Variants in KLHL32 observed in about 807,000 individuals in gnomAD.
KLHL32 encodes the protein kelch like family member 32.
A neutral mutation model predicts 64.8 loss-of-function variants in KLHL32; 35 were observed. The ratio of observed to expected loss-of-function variants is 0.54; its 90% CI spans 0.41 to 0.72. The LOEUF (loss-of-function observed/expected upper bound fraction) is 0.72, where lower values mean the gene tolerates loss of function less well. Ranked by LOEUF, KLHL32 falls within the 30% of genes least tolerant of loss-of-function variation. The pLI, the probability that KLHL32 is intolerant of heterozygous loss-of-function variation, is 0.00. For missense variants in KLHL32, 589 were observed against 768.5 expected (o/e 0.77, Z 2.76); for synonymous variants, 259 against 281.0 (o/e 0.92, Z 0.78).
rs531893795 is a variant in KLHL32 at position 97,078,924 on chromosome 6, G to A, written c.412-6202G>A. The stretch of plus-strand genomic sequence containing the variant: ...GGTTATTGACAAGCCAGGGAGCCAC[G>A]GCGGTAGCCAAAACTAAGACTATGT... On this transcript the variant is annotated intron_variant, in intron 5 of 10. Transcript: ENST00000369261. 3.3e-5 allele frequency among the ~76,000 whole-genome samples: 5 copies of A among 152,308 alleles called. No individual in the cohort carries two copies. In the East Asian group the frequency reaches 5.8e-4, roughly 18 times the overall value.
chr6:96,927,160 G>A (rs1317656911), intron 1 of KLHL32, among the ~76,000 whole-genome samples: 1 of 152,100 alleles, frequency 6.6e-6, no homozygotes, highest in Non-Finnish European at 1.5e-5. Flanking sequence ...TTTGAATCTG[G>A]TGAAACAAAA....
intron 5 of KLHL32, among the ~76,000 whole-genome samples, chr6:97,070,037 G>A (rs1393243248): frequency 6.6e-6 from 1 of 151,926 alleles, no homozygotes; most frequent in Non-Finnish European, 1.5e-5. Flanking sequence ...TTGAGGAGAA[G>A]TTATAACTCA....
chr6:97,127,590 A>T, intron 8 of KLHL32, 128 bp downstream of exon 8: 3 of 793,666 alleles, frequency 3.8e-6, no homozygotes, highest in Non-Finnish European at 6.3e-6. Flanking sequence ...AGAGAAAAGG[A>T]AGCATCTGAA....
chr6:97,013,055 A>T (rs1430007199), intron 3 of KLHL32, among the ~76,000 whole-genome samples: 8 of 152,210 alleles, frequency 5.3e-5, no homozygotes, highest in Non-Finnish European at 1.0e-4. Flanking sequence ...CAGAAATGTC[A>T]TGACATGTAA....
intron 4 of KLHL32, among the ~76,000 whole-genome samples, chr6:97,063,553 C>T (rs1789246795): frequency 6.6e-6 from 1 of 152,084 alleles, no homozygotes; most frequent in Non-Finnish European, 1.5e-5. Context: ...AAGTGAAAAT[C>T]CAGTGGCAGA....
intron 6 of KLHL32, chr6:97,105,607 A>G (rs1796305070): frequency 2.3e-6 from 1 of 434,026 alleles, no homozygotes; most frequent in Non-Finnish European, 4.7e-6. Context: ...GCTATCTGCA[A>G]CCAGATTTTA....
rs2128062157 is a variant in KLHL32, at chr6:96,989,661, G to A, written c.204+13484G>A. On this transcript the variant is annotated intron_variant, in intron 3 of 10. Transcript: ENST00000369261. ...ATGTTCACCTCTCTAATGAAACTTGGGAAATTTTTCTGGATAATATCCTCA... is the reference window on the plus strand; with the variant it reads ...ATGTTCACCTCTCTAATGAAACTTGAGAAATTTTTCTGGATAATATCCTCA... Among the ~76,000 whole-genome samples the A allele has an allele frequency of 1.3e-5, 2 of 151,932 alleles. 1 individual carries two copies. Among genetic ancestry groups the A allele is most frequent in the South Asian group, 4.2e-4 (2 of 4,790 alleles).
At chr6:96,914,367 G>C in the KLHL32 span, among the ~76,000 whole-genome samples, 2 of 152,064 alleles carry the variant, frequency 1.3e-5, no homozygotes, top group Non-Finnish European at 2.9e-5. Flanking sequence ...GCTTAACTTT[G>C]ACTTTTTATC....
intron 3 of KLHL32, among the ~76,000 whole-genome samples, chr6:97,037,593 A>G (rs1784489095): frequency 6.6e-6 from 1 of 152,202 alleles, no homozygotes; most frequent in Admixed American, 6.5e-5. Flanking sequence ...TGCTGCTAAA[A>G]TAACAATACT....
chr6:96,971,773 G>A (rs766734953), intron 2 of KLHL32, among the ~76,000 whole-genome samples: 26 of 152,130 alleles, frequency 1.7e-4, no homozygotes, highest in African/African-American at 6.3e-4. Flanking sequence ...GGAACTCATA[G>A]AGTATCCAAT....
intron 3 of KLHL32, among the ~76,000 whole-genome samples, chr6:96,988,217 T>TTC (rs1777366764): frequency 6.6e-6 from 1 of 152,206 alleles, no homozygotes; most frequent in African/African-American, 2.4e-5. Flanking sequence ...GATAAAGGGC[T>TTC]AATATCCAGA....
At chr6:97,035,240 C>G (rs1159257426) in intron 3 of KLHL32, among the ~76,000 whole-genome samples, 1 of 152,052 alleles carries the variant, frequency 6.6e-6, no homozygotes. Context: ...CACAGAAATT[C>G]CACACTTTTA....
At chr6:96,967,547 T>C (rs1261092337) in intron 2 of KLHL32, among the ~76,000 whole-genome samples, 1 of 151,118 alleles carries the variant, frequency 6.6e-6, no homozygotes, top group African/African-American at 2.4e-5. Context: ...GGCAATCACT[T>C]TGGGGAGTAC....
At chr6:96,917,986 C>T in the KLHL32 span, among the ~76,000 whole-genome samples, 2 of 152,138 alleles carry the variant, frequency 1.3e-5, no homozygotes, top group African/African-American at 4.8e-5. Context: ...TGGATTGACC[C>T]TCTAGATACC....
intron 3 of KLHL32, among the ~76,000 whole-genome samples, chr6:96,981,369 T>C (rs1339078247): frequency 6.6e-6 from 1 of 152,190 alleles, no homozygotes; most frequent in Non-Finnish European, 1.5e-5. Context: ...TTTGAGGTTT[T>C]TTTTGTATTT....
intron 4 of KLHL32, among the ~76,000 whole-genome samples, chr6:97,059,383 CA>C (rs1379685025): frequency 1.3e-5 from 2 of 152,102 alleles, no homozygotes; most frequent in Non-Finnish European, 2.9e-5. Context: ...TGAGGTTTTC[CA>C]AATACAAGCC....
intron 10 of KLHL32, 141 bp from the exon 11 acceptor site, chr6:97,138,980 A>G (rs1178043034): frequency 4.1e-6 from 3 of 740,588 alleles, no homozygotes; most frequent in Admixed American, 3.0e-5. Flanking sequence ...TTCTAGTACC[A>G]TCCAAGCAAG....
rs1793230212 is a variant in KLHL32, at chr6:97,085,282, C to T, written c.568C>T (p.Leu190Phe). 1 of 1,613,474 alleles carries T rather than the reference C, an allele frequency of 6.2e-7. No individual in the cohort carries two copies. The highest frequency in any genetic ancestry group is 1.1e-5 in the South Asian group (1 of 91,056). The change falls in exon 6 of 11, where the codon CTT becomes TTT. Residue 190 changes from leucine (L) to phenylalanine (F), a missense_variant. This residue lies in a region of KLHL32 where 226 missense variants were observed against 353.2 expected (regional missense o/e 0.64). Coordinates refer to ENST00000369261, the MANE Select transcript of KLHL32 (RefSeq NM_052904.4). ...EEVLTLPYCL[L>F]QEVLKSDRLT... The stretch of plus-strand genomic sequence containing the variant: ...AGTTCTAACGCTTCCCTATTGCCTG[C>T]TTCAGGAGGTGCTGAAGAGCGACCG...
At chr6:97,035,895 G>A (rs1450347505) in intron 3 of KLHL32, among the ~76,000 whole-genome samples, 1 of 152,004 alleles carries the variant, frequency 6.6e-6, no homozygotes, top group East Asian at 1.9e-4. Context: ...AATGTTTTTG[G>A]TAATTATTCC....
Sources: gnomAD v4.1 joint callset for allele counts (sites outside exome capture counted in the v4.1 genomes callset) on GRCh38, gnomAD v4.1.1 for gene constraint, gnomAD v4.1.1 regional missense constraint, MANE v1.5 for transcripts, NCBI Gene and HGNC (gene_info 2026-07-23, HGNC 2026-07-21) for gene names.